GALNTL6: variants seen among roughly 807,000 people sequenced by gnomAD.
GALNTL6 encodes the protein polypeptide N-acetylgalactosaminyltransferase-like 6.
Under a neutral mutation model 73.7 loss-of-function variants are expected in GALNTL6, and 46 were observed. That is an observed-to-expected ratio of 0.62 (90% confidence interval 0.49 to 0.80). GALNTL6 has a LOEUF of 0.80. Ranked by LOEUF, GALNTL6 falls within the 30% of genes least tolerant of loss-of-function variation. The probability of loss-of-function intolerance (pLI) is 0.00; values close to 1 mark genes in which losing one functional copy is unlikely to be tolerated. For synonymous variants in GALNTL6, 259 were observed against 263.7 expected, an observed-to-expected ratio of 0.98 and a Z score of 0.17; for missense variants, 604 against 755.0, an observed-to-expected ratio of 0.80 and a Z score of 2.34.
chr4:172,404,848 G>A (rs1744155956), intron 5 of GALNTL6, among the ~76,000 whole-genome samples: 1 of 152,022 alleles, frequency 6.6e-6, no homozygotes. Flanking sequence ...GCCTGATTGT[G>A]TAATGAAGAG....
At chr4:171,920,615 G>T (rs1737757715) in intron 2 of GALNTL6, among the ~76,000 whole-genome samples, 1 of 151,988 alleles carries the variant, frequency 6.6e-6, no homozygotes, top group Non-Finnish European at 1.5e-5. Context: ...CACTGAAAAA[G>T]TATTTTACAA....
chr4:172,399,599 A>G (rs1245336223), intron 5 of GALNTL6, among the ~76,000 whole-genome samples: 7 of 152,094 alleles, frequency 4.6e-5, no homozygotes, highest in Admixed American at 4.6e-4. Flanking sequence ...AAATAAATTT[A>G]TTGGTTAAAG....
At chr4:172,844,021 T>A (rs1354505081) in intron 7 of GALNTL6, among the ~76,000 whole-genome samples, 1 of 152,118 alleles carries the variant, frequency 6.6e-6, no homozygotes. Flanking sequence ...ATCATGTCAC[T>A]GCACTCCAGC....
At chr4:172,850,548 C>G (rs757489494) in intron 7 of GALNTL6, among the ~76,000 whole-genome samples, 1 of 152,092 alleles carries the variant, frequency 6.6e-6, no homozygotes, top group Non-Finnish European at 1.5e-5. Flanking sequence ...TTCTCCTCAC[C>G]AACAACCAAT....
chr4:172,194,322 A>T (rs1468768837), intron 2 of GALNTL6, among the ~76,000 whole-genome samples: 1 of 152,214 alleles, frequency 6.6e-6, no homozygotes, highest in African/African-American at 2.4e-5. Flanking sequence ...CTGAACCAAC[A>T]ACAAATTGGA....
At chr4:172,615,918 C>T (rs1232276192) in intron 5 of GALNTL6, among the ~76,000 whole-genome samples, 4 of 152,118 alleles carry the variant, frequency 2.6e-5, no homozygotes, top group Admixed American at 2.6e-4. Flanking sequence ...CACCAGCTAA[C>T]ACCTGACTCT....
intron 5 of GALNTL6, among the ~76,000 whole-genome samples, chr4:172,471,469 G>T (rs1391187080): frequency 2.0e-5 from 3 of 152,118 alleles, no homozygotes; most frequent in Non-Finnish European, 4.4e-5. Flanking sequence ...GCAGTTTATT[G>T]ATGCCACTGT....
At chr4:172,667,303 ATAGT>A (rs751545874) in intron 5 of GALNTL6, 21 of 152,292 alleles carry the variant, frequency 1.4e-4, no homozygotes, top group Admixed American at 1.2e-3. Flanking sequence ...TATTGAGTAA[ATAGT>A]TAGAGCCAAA....
chr4:172,042,655 T>A (rs530866236), intron 2 of GALNTL6, among the ~76,000 whole-genome samples: 208 of 151,466 alleles, frequency 1.4e-3, no homozygotes, highest in South Asian at 0.012. Flanking sequence ...CTGCTTTTTT[T>A]AAAAAAAATA....
At chr4:172,090,419 C>T (rs1487212454) in intron 2 of GALNTL6, among the ~76,000 whole-genome samples, 2 of 152,004 alleles carry the variant, frequency 1.3e-5, no homozygotes, top group African/African-American at 4.8e-5. Context: ...AGTGTCTCAT[C>T]GTGGTTTTGA....
At chr4:171,983,762 T>C (rs1739985149) in intron 2 of GALNTL6, among the ~76,000 whole-genome samples, 1 of 152,140 alleles carries the variant, frequency 6.6e-6, no homozygotes, top group South Asian at 2.1e-4. Flanking sequence ...GTTAGAGTCT[T>C]GCATGACCTA....
chr4:173,021,390 T>C lies in GALNTL6; in HGVS notation c.1489-86T>C, dbSNP rs1752983581. 4 of 1,367,438 alleles carry C rather than the reference T, an allele frequency of 2.9e-6. No homozygotes were observed. The East Asian group carries it at 9.2e-5, about 31-fold the overall frequency. The allele number at this position is 1,367,438 out of a possible 1,614,324, so 84.7% of individuals were successfully genotyped here. A position where few individuals can be genotyped will look rare whatever the true frequency, so the allele number is the denominator to read the frequency against. On this transcript the variant is annotated intron_variant, in intron 11 of 12. Coordinates refer to ENST00000506823, the MANE Select transcript of GALNTL6 (RefSeq NM_001034845.3). ...AGATCACAAAGCAGGAGTTCTACAT[T>C]GCTAAAAGACATACCTTCCCCCGCC...
intron 9 of GALNTL6, among the ~76,000 whole-genome samples, chr4:172,938,700 C>A (rs913115180): frequency 3.3e-5 from 5 of 152,186 alleles, no homozygotes; most frequent in African/African-American, 1.2e-4. Flanking sequence ...ACTTCTCTCT[C>A]CTGCTCTTAA....
At chr4:172,586,443 T>C in intron 5 of GALNTL6, among the ~76,000 whole-genome samples, 1 of 140,092 alleles carries the variant, frequency 7.1e-6, no homozygotes, top group African/African-American at 2.7e-5. Context: ...GCCAATGAAA[T>C]ACTTACCAAC....
intron 2 of GALNTL6, among the ~76,000 whole-genome samples, chr4:172,067,131 C>G (rs1731388508): frequency 6.6e-6 from 1 of 151,866 alleles, no homozygotes; most frequent in Non-Finnish European, 1.5e-5. Flanking sequence ...TCCTCTCCCA[C>G]TTGATCAACT....
rs146148885 is a variant in GALNTL6 at position 172,189,464 on chromosome 4, A to C, written c.139-40192A>C. On this transcript the variant is annotated intron_variant, in intron 2 of 12. Coordinates refer to ENST00000506823, the MANE Select transcript of GALNTL6 (RefSeq NM_001034845.3). The stretch of plus-strand genomic sequence containing the variant: ...GGTTTGTAGTTCTGTAACAAAATGA[A>C]GACTTTCAGTTTGGGGGAGTATTTC... Among the ~76,000 whole-genome samples, 7 of 152,280 alleles carry C rather than the reference A, an allele frequency of 4.6e-5. No individual in the cohort carries two copies. The South Asian group carries it at 1.4e-3, about 32-fold the overall frequency.
intron 8 of GALNTL6, among the ~76,000 whole-genome samples, chr4:172,915,451 A>T (rs190776820): frequency 1.3e-5 from 2 of 152,320 alleles, no homozygotes; most frequent in East Asian, 3.9e-4. Context: ...AATTCAATGA[A>T]TCCAGCAGCT....
At chr4:172,140,632 G>A (rs925580678) in intron 2 of GALNTL6, among the ~76,000 whole-genome samples, 2 of 151,972 alleles carry the variant, frequency 1.3e-5, no homozygotes, top group African/African-American at 4.8e-5. Flanking sequence ...GGACAGGAAC[G>A]CTGTCTCCAG....
At chr4:172,460,200 A>G (rs1032066297) in intron 5 of GALNTL6, among the ~76,000 whole-genome samples, 1 of 152,234 alleles carries the variant, frequency 6.6e-6, no homozygotes, top group Non-Finnish European at 1.5e-5. Flanking sequence ...CCTTCTTTGT[A>G]TCTTATGCAA....
Sources: gnomAD v4.1 joint callset for allele counts (sites outside exome capture counted in the v4.1 genomes callset) on GRCh38, gnomAD v4.1.1 for gene constraint, MANE v1.5 for transcripts, NCBI Gene and HGNC (gene_info 2026-07-23, HGNC 2026-07-21) for gene names.